CNOT9: variants seen among roughly 807,000 people sequenced by gnomAD.
The protein encoded by CNOT9 is RCD1 required for cell differentiation1 homolog.
In CNOT9, 8 loss-of-function variants were observed where a neutral mutation model predicts 37.4. The ratio of observed to expected loss-of-function variants is 0.21; its 90% CI spans 0.13 to 0.39. The LOEUF (loss-of-function observed/expected upper bound fraction) is 0.39. Ranked by LOEUF, CNOT9 falls within the 10% of genes least tolerant of loss-of-function variation. CNOT9 has a pLI of 1.00. For synonymous variants in CNOT9, 120 were observed against 137.6 expected (o/e 0.87, Z 0.90); for missense variants, 154 against 365.3 (o/e 0.42, Z 4.71).
In CNOT9 at chr2:218,580,710, T is replaced by C; in HGVS notation, c.174T>C (p.His58=). 1 of 1,614,056 alleles carries C rather than the reference T, an allele frequency of 6.2e-7. No individual in the cohort carries two copies. Among genetic ancestry groups the C allele is most frequent in the Non-Finnish European group, 8.5e-7 (1 of 1,179,986 alleles). ...CTGACCTTGCACCCATGCTGTGGCA[T>C]TCATTTGGTACTATTGCAGCACTTT... ...SVPDLAPMLW[H]SFGTIAALLQ... is the part of the protein sequence containing the mutation. Residue 58 remains histidine (H), a synonymous_variant, in exon 2 of 8, where the codon CAT becomes CAC. Transcript: ENST00000273064.
At position 218,583,233 on chromosome 2, in the gene CNOT9, GTCTCTCTCTCTCTCTCTCTCTCTC is replaced by G. The variant is rs150987052; in HGVS notation, c.320+178_320+201del. 2.7e-3 allele frequency: 127 copies of G among 47,766 alleles called. 1 individual carries two copies. The highest frequency in any genetic ancestry group is 0.016 in the South Asian group (29 of 1,784). 3.0% of individuals were successfully genotyped at this position (47,766 alleles called of 1,614,324 possible). A position where few individuals can be genotyped will look rare whatever the true frequency, so the allele number is the denominator to read the frequency against. Reference sequence around the variant, plus strand: ...TGTGTGTGTGTGTGTGTGTGTGTGTGTCTCTCTCTCTCTCTCTCTCTCTCTCTCTCTCTCTCTCTCTCTCTCTCT... The same window carrying G: ...TGTGTGTGTGTGTGTGTGTGTGTGTGTCTCTCTCTCTCTCTCTCTCTCTCT... On this transcript the variant is annotated intron_variant, in intron 3 of 7. Transcript: ENST00000273064.
chr2:218,568,861 A>C lies in CNOT9; in HGVS notation c.-94A>C, dbSNP rs949858808. Reference sequence around the variant, plus strand: ...AGCGAGCCGGAGTCGGATGGCGGCTACGGCGGCTCATTGTTTTCCGCTGCA... The same window carrying C: ...AGCGAGCCGGAGTCGGATGGCGGCTCCGGCGGCTCATTGTTTTCCGCTGCA... On this transcript the variant is annotated 5_prime_UTR_variant, in exon 1 of 8. Coordinates refer to ENST00000273064, the MANE Select transcript of CNOT9 (RefSeq NM_005444.3). 2.8e-6 allele frequency: 4 copies of C among 1,424,102 alleles called. No individual in the cohort carries two copies. Among genetic ancestry groups the C allele is most frequent in the African/African-American group, 1.4e-5 (1 of 70,420 alleles). The allele number at this position is 1,424,102 out of a possible 1,614,324, so 88.2% of individuals were successfully genotyped here. A position where few individuals can be genotyped will look rare whatever the true frequency, so the allele number is the denominator to read the frequency against.
Position 218,594,003 on chromosome 2 carries a change from C to A in CNOT9, c.732-105C>A, listed in dbSNP as rs962885022. The A allele has an allele frequency of 6.6e-5, 77 of 1,169,766 alleles. 1 individual carries two copies. The Middle Eastern group carries it at 1.1e-3, about 17-fold the overall frequency. 72.5% of individuals were successfully genotyped at this position (1,169,766 alleles called of 1,614,324 possible). A position where few individuals can be genotyped will look rare whatever the true frequency, so the allele number is the denominator to read the frequency against. ...ATGGCTTCTTAAGGAGCCATAGATT[C>A]ACAGTATTCTAAATATTTATGTCTA... is the stretch of plus-strand genomic sequence containing the variant. On this transcript the variant is annotated intron_variant, in intron 7 of 7. Coordinates refer to ENST00000273064, the MANE Select transcript of CNOT9 (RefSeq NM_005444.3).
chr2:218,573,592 C>T (rs929456277), intron 1 of CNOT9: 5 of 152,172 alleles, frequency 3.3e-5, no homozygotes, highest in African/African-American at 1.2e-4. Context: ...AAACCATCAG[C>T]ATCAATTTTT....
chr2:218,579,262 G>A (rs1229631519), intron 1 of CNOT9, among the ~76,000 whole-genome samples: 1 of 152,168 alleles, frequency 6.6e-6, no homozygotes, highest in Non-Finnish European at 1.5e-5. Context: ...TTCTAGAAAT[G>A]TTATATGTAA....
At chr2:218,593,093 G>T in intron 7 of CNOT9, 1 of 237,030 alleles carries the variant, frequency 4.2e-6, no homozygotes, top group Admixed American at 5.0e-5. Context: ...TTCCAATTCT[G>T]TCCTTGATTC....
At chr2:218,575,372 T>C (rs1285507940) in intron 1 of CNOT9, among the ~76,000 whole-genome samples, 3 of 146,322 alleles carry the variant, frequency 2.1e-5, no homozygotes, top group East Asian at 3.9e-4. Flanking sequence ...AATTTTCTTT[T>C]TTCTTTTCTT....
chr2:218,587,387 T>A, intron 4 of CNOT9, 199 bp from the exon 5 acceptor site: 1 of 1,113,224 alleles, frequency 9.0e-7, no homozygotes. Flanking sequence ...CCTCCCAAAG[T>A]GCTGGGATTA....
Position 218,579,666 on chromosome 2 carries a change from T to C in CNOT9, c.25-895T>C, listed in dbSNP as rs1694300771. Among the ~76,000 whole-genome samples the C allele has an allele frequency of 3.3e-5, 5 of 151,874 alleles. No individual in the cohort carries two copies. The South Asian group carries it at 1.0e-3, about 32-fold the overall frequency. ...CACGCCCAGCTAATTTTTTGTATTT[T>C]TAGTAGAGACACCAGTTTCACCGTG... is the stretch of plus-strand genomic sequence containing the variant. On this transcript the variant is annotated intron_variant, in intron 1 of 7. Coordinates refer to ENST00000273064, the MANE Select transcript of CNOT9 (RefSeq NM_005444.3).
At chr2:218,591,248 G>C (rs895549849) in intron 5 of CNOT9, among the ~76,000 whole-genome samples, 1 of 152,068 alleles carries the variant, frequency 6.6e-6, no homozygotes, top group Admixed American at 6.6e-5. Flanking sequence ...AGCCAAGAAA[G>C]AGTATCATTA....
intron 7 of CNOT9, 85 bp from the exon 8 acceptor site, chr2:218,594,023 T>C (rs1575000070): frequency 7.7e-7 from 1 of 1,306,618 alleles, no homozygotes; most frequent in African/African-American, 1.5e-5. Flanking sequence ...TAAATATTTA[T>C]GTCTAAGAAG....
At chr2:218,571,958 T>G (rs1276826637) in intron 1 of CNOT9, among the ~76,000 whole-genome samples, 1 of 152,084 alleles carries the variant, frequency 6.6e-6, no homozygotes, top group African/African-American at 2.4e-5. Flanking sequence ...GAGCATAATT[T>G]CTTTTTTCTC....
intron 1 of CNOT9, among the ~76,000 whole-genome samples, chr2:218,577,738 TCA>T (rs1207082036): frequency 6.6e-6 from 1 of 152,150 alleles, no homozygotes; most frequent in African/African-American, 2.4e-5. Flanking sequence ...CAACTGCAAG[TCA>T]CACACTGGCT....
chr2:218,580,952 G>A (rs1393883321), intron 2 of CNOT9: 2 of 646,804 alleles, frequency 3.1e-6, no homozygotes, highest in Non-Finnish European at 5.7e-6. Flanking sequence ...TCTGAGGTGG[G>A]CCCTATAATC....
intron 7 of CNOT9, chr2:218,593,857 T>C: frequency 8.2e-7 from 1 of 1,218,786 alleles, no homozygotes; most frequent in South Asian, 2.2e-5. Context: ...AGTAAACTAT[T>C]GAACCTTTTA....
intron 4 of CNOT9, among the ~76,000 whole-genome samples, chr2:218,586,024 A>G (rs1032420248): frequency 6.6e-6 from 1 of 152,230 alleles, no homozygotes; most frequent in Non-Finnish European, 1.5e-5. Flanking sequence ...TGCATGATCT[A>G]TAACTAAAAA....
intron 3 of CNOT9, 50 bp downstream of exon 3, chr2:218,583,136 C>A: frequency 1.7e-6 from 2 of 1,152,674 alleles, no homozygotes; most frequent in South Asian, 2.5e-5. Context: ...TGAATATGGT[C>A]CTAAACGTTC....
rs36013982 is a variant in CNOT9, at chr2:218,596,538, AAC to A, written c.*2284_*2285del. On this transcript the variant is annotated 3_prime_UTR_variant, in exon 8 of 8. Coordinates refer to ENST00000273064, the MANE Select transcript of CNOT9 (RefSeq NM_005444.3). ...GCTTCTCCCCTCTGTCTACCTACAC[AAC>A]ACACACACACACACACACACAGCCC... is the stretch of plus-strand genomic sequence containing the variant. 3.4e-3 allele frequency: 503 copies of A among 148,072 alleles called. No individual in the cohort carries two copies. The highest frequency in any genetic ancestry group is 4.0e-3 in the Non-Finnish European group (265 of 66,580). The allele number at this position is 148,072 out of a possible 1,614,324, so 9.2% of individuals were successfully genotyped here. A position where few individuals can be genotyped will look rare whatever the true frequency, so the allele number is the denominator to read the frequency against.
intron 2 of CNOT9, among the ~76,000 whole-genome samples, chr2:218,581,639 C>A (rs983302026): frequency 3.3e-5 from 5 of 152,204 alleles, no homozygotes; most frequent in African/African-American, 1.2e-4. Flanking sequence ...GCATGATCAT[C>A]CATTAAAGTA....
Sources: allele counts gnomAD v4.1 joint callset (sites outside exome capture counted in the v4.1 genomes callset), GRCh38; gene constraint gnomAD v4.1.1; transcripts MANE v1.5; gene names NCBI Gene and HGNC (gene_info 2026-07-23, HGNC 2026-07-21).